The following RBM18 variants were observed in gnomAD, a reference collection of about 807,000 sequenced individuals.
The protein encoded by RBM18 is probable RNA-binding protein 18.
A neutral mutation model predicts 26.4 loss-of-function variants in RBM18; 18 were observed. The observed-to-expected ratio is 0.68, with a 90% confidence interval of 0.47 to 1.01. The LOEUF (loss-of-function observed/expected upper bound fraction) is 1.01, where lower values mean the gene tolerates loss of function less well. Ranked by LOEUF, RBM18 falls within the 50% of genes least tolerant of loss-of-function variation. The pLI is 0.00. For synonymous variants in RBM18, 74 were observed against 81.1 expected, an observed-to-expected ratio of 0.91 and a Z score of 0.47; for missense variants, 180 against 219.2, an observed-to-expected ratio of 0.82 and a Z score of 1.13.
chr9:122,257,242 C>T (rs778773151), intron 2 of RBM18, among the ~76,000 whole-genome samples: 1 of 151,864 alleles, frequency 6.6e-6, no homozygotes, highest in Non-Finnish European at 1.5e-5. Flanking sequence ...CCCGGGTTCA[C>T]GCCATTCTCC....
At chr9:122,247,187 G>A (rs1438788520) in intron 4 of RBM18, among the ~76,000 whole-genome samples, 1 of 152,046 alleles carries the variant, frequency 6.6e-6, no homozygotes, top group Non-Finnish European at 1.5e-5. Flanking sequence ...AATGCCTAGA[G>A]CAACTGATTT....
intron 2 of RBM18, among the ~76,000 whole-genome samples, chr9:122,254,601 T>G (rs1831659962): frequency 6.6e-6 from 1 of 152,238 alleles, no homozygotes; most frequent in Non-Finnish European, 1.5e-5. Flanking sequence ...CACACATATC[T>G]GCAACTTAAT....
At chr9:122,262,553 C>T (rs1157352916) in intron 1 of RBM18, among the ~76,000 whole-genome samples, 2 of 151,976 alleles carry the variant, frequency 1.3e-5, no homozygotes, top group Non-Finnish European at 2.9e-5. Flanking sequence ...TGTCAGAAGA[C>T]ATTGTTTCAA....
intron 5 of RBM18, among the ~76,000 whole-genome samples, chr9:122,243,276 TATA>T (rs1378402244): frequency 1.3e-5 from 2 of 152,308 alleles, no homozygotes; most frequent in East Asian, 1.9e-4. Context: ...TCGACCTACT[TATA>T]ATGTTTTTAA....
rs971121095 is a variant in RBM18 at position 122,257,714 on chromosome 9, T to A, written c.113+3666A>T. Among the ~76,000 whole-genome samples, 3 of 152,308 alleles carry A rather than the reference T, an allele frequency of 2.0e-5. No homozygotes were observed. The East Asian group carries it at 5.8e-4, about 29-fold the overall frequency. On this transcript the variant is annotated intron_variant, in intron 2 of 5. Coordinates refer to ENST00000417201, the MANE Select transcript of RBM18 (RefSeq NM_033117.4). ...TTACATATTCATTCATAACAGTAAG[T>A]TTATAATGTCTTCTAACAAGCGGTA...
chr9:122,261,552 T>A lies in RBM18; in HGVS notation c.-16-44A>T. On this transcript the variant is annotated intron_variant, in intron 1 of 5. Coordinates refer to ENST00000417201, the MANE Select transcript of RBM18 (RefSeq NM_033117.4). ...TTCAGGCAGGAGGGGAGTAACAATG[T>A]GTGAACACAAGACTTCAAATTCAAC... 1.1e-5 allele frequency: 14 copies of A among 1,222,056 alleles called. No homozygotes were observed. The South Asian group carries it at 1.6e-4, about 14-fold the overall frequency. 75.7% of individuals were successfully genotyped at this position (1,222,056 alleles called of 1,614,324 possible).
chr9:122,243,809 G>C, intron 5 of RBM18: 22 of 985,226 alleles, frequency 2.2e-5, no homozygotes, highest in Non-Finnish European at 2.7e-5. Context: ...ATAAGTCACA[G>C]GGAAGCAACC....
intron 5 of RBM18, among the ~76,000 whole-genome samples, chr9:122,243,467 G>A (rs545596417): frequency 8.5e-5 from 13 of 152,226 alleles, no homozygotes; most frequent in Middle Eastern, 3.4e-3. Flanking sequence ...GTCCTATATT[G>A]TACAGGAAGG....
At chr9:122,243,815 C>G in intron 5 of RBM18, 1 of 985,080 alleles carries the variant, frequency 1.0e-6, no homozygotes, top group Non-Finnish European at 1.2e-6. Context: ...CACAGGGAAG[C>G]AACCTTCTCT....
chr9:122,242,084 T>C lies in RBM18; in HGVS notation c.414-41A>G, dbSNP rs1175198974. On this transcript the variant is annotated intron_variant, in intron 5 of 5. Transcript: ENST00000417201. ...CAGAGGATCAGAGTGGGCCTAGGTA[T>C]ATTCAGAAAATAGCTGTACAGTTCC... 3.1e-6 allele frequency: 5 copies of C among 1,601,980 alleles called. No homozygotes were observed. In the South Asian group the frequency reaches 4.5e-5, roughly 14 times the overall value.
chr9:122,239,146 T>G lies in RBM18; in HGVS notation c.*2738A>C, dbSNP rs1445294349. On this transcript the variant is annotated 3_prime_UTR_variant, in exon 6 of 6. Coordinates refer to ENST00000417201, the MANE Select transcript of RBM18 (RefSeq NM_033117.4). ...GTTGATTCAGAAACTGTGCATATCT[T>G]AATAAACAAGAGACAGAGCTGCAGA... The G allele has an allele frequency of 1.3e-5, 2 of 152,216 alleles. No homozygotes were observed. The highest frequency in any genetic ancestry group is 3.8e-4 in the East Asian group (2 of 5,204). The allele number at this position is 152,216 out of a possible 1,614,324, so 9.4% of individuals were successfully genotyped here.
chr9:122,241,186 A>G lies in RBM18; in HGVS notation c.*698T>C, dbSNP rs561162066. 2 of 152,344 alleles carry G rather than the reference A, an allele frequency of 1.3e-5. No homozygotes were observed. The highest frequency in any genetic ancestry group is 4.1e-4 in the South Asian group (2 of 4,828). The allele number at this position is 152,344 out of a possible 1,614,324, so 9.4% of individuals were successfully genotyped here. A position where few individuals can be genotyped will look rare whatever the true frequency, so the allele number is the denominator to read the frequency against. ...ATGGTTGCTATAGAATAAAAGTTCA[A>G]TTTCCAAATAGAACTTGTGTTGTGG... On this transcript the variant is annotated 3_prime_UTR_variant, in exon 6 of 6. Transcript: ENST00000417201.
intron 2 of RBM18, among the ~76,000 whole-genome samples, chr9:122,254,990 T>G (rs1831667708): frequency 6.6e-6 from 1 of 152,068 alleles, no homozygotes; most frequent in African/African-American, 2.4e-5. Flanking sequence ...TCTGATCCAT[T>G]GGAGTAGAGT....
At chr9:122,254,290 C>T in intron 2 of RBM18, 1 of 938,690 alleles carries the variant, frequency 1.1e-6, no homozygotes, top group Non-Finnish European at 1.3e-6. Context: ...ATTCCAGGAA[C>T]ATCTGCTTAG....
chr9:122,260,134 G>A (rs943114429), intron 2 of RBM18, among the ~76,000 whole-genome samples: 7 of 151,978 alleles, frequency 4.6e-5, no homozygotes, highest in African/African-American at 1.7e-4. Context: ...ATCATTTGAG[G>A]TAAGGAGTTC....
At chr9:122,248,366 A>C (rs996371449) in intron 3 of RBM18, among the ~76,000 whole-genome samples, 1 of 152,140 alleles carries the variant, frequency 6.6e-6, no homozygotes, top group Non-Finnish European at 1.5e-5. Context: ...TCCGTTAGGT[A>C]GGGTAGCACC....
At chr9:122,259,844 C>T (rs1287124771) in intron 2 of RBM18, among the ~76,000 whole-genome samples, 1 of 152,080 alleles carries the variant, frequency 6.6e-6, no homozygotes, top group Non-Finnish European at 1.5e-5. Context: ...CAGGCATGCA[C>T]CACCATGCCT....
At position 122,261,424 on chromosome 9, in the gene RBM18, T is replaced by C. The variant is rs1442615534; in HGVS notation, c.69A>G (p.Glu23=). 1.9e-6 allele frequency: 3 copies of C among 1,614,188 alleles called. No homozygotes were observed. Among genetic ancestry groups the C allele is most frequent in the South Asian group, 2.2e-5 (2 of 91,084 alleles). Residue 23 remains glutamate (E), a synonymous_variant, in exon 2 of 6, where the codon GAA becomes GAG. Coordinates refer to ENST00000417201, the MANE Select transcript of RBM18 (RefSeq NM_033117.4). ...ASILSEGSLQ[E]GHRLWIGNLD... is the part of the protein sequence containing the mutation. ...GGTTGCCAATCCATAATCGGTGTCC[T>C]TCCTGCAGAGAGCCCTCTGAAAGGA...
intron 2 of RBM18, 94 bp from the exon 3 acceptor site, chr9:122,252,067 A>G (rs1831613676): frequency 1.3e-6 from 2 of 1,534,262 alleles, no homozygotes; most frequent in South Asian, 1.2e-5. Flanking sequence ...AATTTACCCC[A>G]GGGATGAAAT....
Sources: allele counts gnomAD v4.1 joint callset (sites outside exome capture counted in the v4.1 genomes callset), GRCh38; gene constraint gnomAD v4.1.1; transcripts MANE v1.5; gene names NCBI Gene and HGNC (gene_info 2026-07-23, HGNC 2026-07-21).